Variants in ADCY8 observed in about 807,000 individuals in gnomAD.
ADCY8 encodes adenylate cyclase type 8.
ADCY8 carries 51 observed loss-of-function variants against 119.7 expected under a neutral mutation model. That is an observed-to-expected ratio of 0.43 (90% CI 0.34 to 0.54). The LOEUF is 0.54. Among genes scored for constraint, ADCY8 ranks in the 20% least tolerant of loss-of-function variants. ADCY8 has a pLI of 0.03. For synonymous variants in ADCY8, 665 were observed against 651.0 expected (o/e 1.02, Z -0.33); for missense variants, 1,383 against 1,598.8 (o/e 0.87, Z 2.30).
chr8:130,822,935 C>G (rs1397991878), intron 12 of ADCY8, among the ~76,000 whole-genome samples: 1 of 152,182 alleles, frequency 6.6e-6, no homozygotes, highest in Non-Finnish European at 1.5e-5. Context: ...CCTTGCCACC[C>G]TGTGAAGCAC....
chr8:130,849,416 A>C (rs1817440400), intron 10 of ADCY8, among the ~76,000 whole-genome samples, 186 bp downstream of exon 10: 2 of 152,200 alleles, frequency 1.3e-5, no homozygotes, highest in Non-Finnish European at 2.9e-5. Context: ...ACAGTTTTCC[A>C]ACAGTAAAAT....
chr8:130,964,093 T>C (rs947494118), intron 2 of ADCY8, among the ~76,000 whole-genome samples: 5 of 152,196 alleles, frequency 3.3e-5, no homozygotes, highest in Non-Finnish European at 7.4e-5. Context: ...CCCCAAGTCC[T>C]CGTACGTCAT....
At chr8:130,822,514 C>A (rs556680162) in intron 12 of ADCY8, among the ~76,000 whole-genome samples, 10 of 139,392 alleles carry the variant, frequency 7.2e-5, no homozygotes, top group African/African-American at 2.5e-4. Flanking sequence ...ATTCATGAAT[C>A]CATGAATCCA....
chr8:130,987,497 A>T (rs1483590608), intron 2 of ADCY8, among the ~76,000 whole-genome samples: 1 of 152,114 alleles, frequency 6.6e-6, no homozygotes, highest in African/African-American at 2.4e-5. Context: ...TTTGTATCCT[A>T]CCATGAGATA....
At chr8:130,935,876 T>C (rs1481078612) in intron 5 of ADCY8, among the ~76,000 whole-genome samples, 1 of 152,220 alleles carries the variant, frequency 6.6e-6, no homozygotes, top group Admixed American at 6.5e-5. Context: ...TCTGTGAAGC[T>C]ACATTTTGAG....
At chr8:130,899,332 G>A (rs1460137499) in intron 7 of ADCY8, among the ~76,000 whole-genome samples, 1 of 152,186 alleles carries the variant, frequency 6.6e-6, no homozygotes, top group East Asian at 1.9e-4. Flanking sequence ...TGGGCTGGGT[G>A]CAGTGGCTCA....
chr8:130,827,160 T>C (rs762021552), intron 12 of ADCY8, among the ~76,000 whole-genome samples: 5 of 152,284 alleles, frequency 3.3e-5, no homozygotes, highest in South Asian at 4.2e-4. Context: ...TAAGAAGAAA[T>C]TTCTTAGGTA....
chr8:130,944,477 T>G (rs1821050232), intron 3 of ADCY8, among the ~76,000 whole-genome samples: 1 of 152,232 alleles, frequency 6.6e-6, no homozygotes, highest in Non-Finnish European at 1.5e-5. Context: ...TGACAAGTCT[T>G]ACAATCAGCC....
chr8:130,993,375 A>C (rs1164593369), intron 1 of ADCY8, among the ~76,000 whole-genome samples: 6 of 152,224 alleles, frequency 3.9e-5, no homozygotes, highest in African/African-American at 1.2e-4. Context: ...CTTTTAAAAC[A>C]ATTTTCAGCA....
intron 1 of ADCY8, among the ~76,000 whole-genome samples, chr8:131,013,191 C>T (rs540230084): frequency 2.6e-5 from 4 of 152,286 alleles, no homozygotes; most frequent in African/African-American, 9.6e-5. Context: ...GGCCCCTTCC[C>T]AATGGGACAT....
chr8:130,795,787 G>GT (rs1250799494), intron 15 of ADCY8, among the ~76,000 whole-genome samples: 1 of 152,034 alleles, frequency 6.6e-6, no homozygotes, highest in African/African-American at 2.4e-5. Flanking sequence ...TTTGGTGTGT[G>GT]TGTGTGTGTG....
intron 5 of ADCY8, among the ~76,000 whole-genome samples, chr8:130,927,406 T>C (rs73346481): frequency 0.012 from 1,843 of 152,330 alleles, 41 homozygotes; most frequent in African/African-American, 0.042. Context: ...GAGAAATGTA[T>C]ATTCAGGTCC....
At chr8:130,844,591 G>A (rs1033648623) in intron 11 of ADCY8, among the ~76,000 whole-genome samples, 3 of 152,174 alleles carry the variant, frequency 2.0e-5, no homozygotes, top group Admixed American at 2.0e-4. Context: ...TGGGGAGTTG[G>A]ATTAACTCTT....
intron 1 of ADCY8, among the ~76,000 whole-genome samples, chr8:131,035,758 C>T (rs1235625243): frequency 6.6e-6 from 1 of 152,138 alleles, no homozygotes; most frequent in Non-Finnish European, 1.5e-5. Flanking sequence ...GGTGTGCTAA[C>T]TCTATACTCC....
At position 131,002,957 on chromosome 8, in the gene ADCY8, T is replaced by C. The variant is rs75538325; in HGVS notation, c.961-12415A>G. ...TGGCTCACGCCTGCATCCCAGCACT[T>C]TGGATGGCCAAGGCAGGTGCATCAC... On this transcript the variant is annotated intron_variant, in intron 1 of 17. Transcript: ENST00000286355. 2.6e-5 allele frequency among the ~76,000 whole-genome samples: 4 copies of C among 152,098 alleles called. No homozygotes were observed. In the East Asian group the frequency reaches 7.7e-4, roughly 29 times the overall value.
chr8:130,920,575 C>A (rs1820271450), intron 5 of ADCY8, among the ~76,000 whole-genome samples: 2 of 152,212 alleles, frequency 1.3e-5, no homozygotes, highest in Non-Finnish European at 2.9e-5. Flanking sequence ...TTGATAGTCA[C>A]CCTGACTCAT....
At chr8:130,932,134 G>A (rs1820648684) in intron 5 of ADCY8, among the ~76,000 whole-genome samples, 3 of 152,130 alleles carry the variant, frequency 2.0e-5, no homozygotes, top group African/African-American at 7.2e-5. Context: ...CCAGAAGCCT[G>A]GGGCAGCTGC....
intron 5 of ADCY8, among the ~76,000 whole-genome samples, 168 bp from the exon 6 acceptor site, chr8:130,910,034 C>T (rs62518120): frequency 0.14 from 21,293 of 150,802 alleles, 1,648 homozygotes; most frequent in Non-Finnish European, 0.18. Context: ...ACGCTATTCT[C>T]CTGCCTCAGC....
chr8:130,960,254 C>A (rs12156272), intron 2 of ADCY8, among the ~76,000 whole-genome samples: 105,070 of 151,902 alleles, frequency 0.69, 40,115 homozygotes, highest in East Asian at 0.93. Context: ...CCTGAATAGA[C>A]TTCCCATAGG....
Sources: allele counts gnomAD v4.1 joint callset (sites outside exome capture counted in the v4.1 genomes callset), GRCh38; gene constraint gnomAD v4.1.1; transcripts MANE v1.5; gene names NCBI Gene and HGNC (gene_info 2026-07-23, HGNC 2026-07-21).